The following PIWIL3 variants were observed in gnomAD, a reference collection of about 807,000 sequenced individuals.
PIWIL3 encodes the protein piwi-like protein 3.
PIWIL3 carries 101 observed loss-of-function variants against 109.7 expected under a neutral mutation model. The ratio of observed to expected loss-of-function variants is 0.92; its 90% confidence interval spans 0.78 to 1.09. The LOEUF (loss-of-function observed/expected upper bound fraction) is 1.09. Among genes scored for constraint, PIWIL3 ranks in the 50% least tolerant of loss-of-function variants. The pLI, the probability that PIWIL3 is intolerant of heterozygous loss-of-function variation, is 0.00. For missense variants in PIWIL3, 1,031 were observed against 1,072.6 expected, an observed-to-expected ratio of 0.96 and a Z score of 0.54; for synonymous variants, 373 against 376.4, an observed-to-expected ratio of 0.99 and a Z score of 0.10.
rs2147649464 is a variant in PIWIL3 at position 24,725,518 on chromosome 22, G to A, written c.2010-3C>T. On this transcript the variant is annotated splice_region_variant and splice_polypyrimidine_tract_variant and intron_variant, in intron 16 of 20. Transcript: ENST00000616349. ...GGATGACACATTGAGAGTACCACCT[G>A]TTCACAGAAAAACCACCAGTTTGGA... The A allele has an allele frequency of 6.2e-7, 1 of 1,613,684 alleles. No homozygotes were observed. The highest frequency in any genetic ancestry group is 8.5e-7 in the Non-Finnish European group (1 of 1,179,794).
intron 5 of PIWIL3, among the ~76,000 whole-genome samples, chr22:24,756,270 C>A (rs1469112437): frequency 2.0e-5 from 3 of 151,798 alleles, no homozygotes; most frequent in East Asian, 1.9e-4. Context: ...CATTTTTGAG[C>A]CACATTGTAT....
intron 5 of PIWIL3, among the ~76,000 whole-genome samples, chr22:24,756,231 T>TAA (rs149137241): frequency 0.19 from 28,728 of 148,842 alleles, 2,992 homozygotes; most frequent in Admixed American, 0.31. Context: ...ACAAATAGAA[T>TAA]AAAAAAAAAA....
chr22:24,759,424 C>T (rs566369910), intron 3 of PIWIL3, among the ~76,000 whole-genome samples: 2 of 152,144 alleles, frequency 1.3e-5, no homozygotes, highest in South Asian at 2.1e-4. Flanking sequence ...TCACATTAGC[C>T]GAAACCTTAG....
intron 12 of PIWIL3, among the ~76,000 whole-genome samples, chr22:24,738,956 C>T (rs1196797465): frequency 6.6e-6 from 1 of 151,944 alleles, no homozygotes. Flanking sequence ...TAAGAGGAAA[C>T]TCAAAGAAAT....
chr22:24,740,556 A>AC (rs1923945920), intron 12 of PIWIL3, among the ~76,000 whole-genome samples: 1 of 151,408 alleles, frequency 6.6e-6, no homozygotes, highest in Non-Finnish European at 1.5e-5. Flanking sequence ...TCAAAAAAAA[A>AC]AAAAAGAAAG....
rs1924929076 is a variant in PIWIL3 at position 24,754,854 on chromosome 22, G to A, written c.703C>T (p.Leu235=). 6.2e-7 allele frequency: 1 copy of A among 1,611,888 alleles called. No homozygotes were observed. Among genetic ancestry groups the A allele is most frequent in the African/African-American group, 1.3e-5 (1 of 74,802 alleles). ...CGACCAACTTGTTCAAAATCCAGCAGCTTGAAAGTTCTGGAAATGGAAAGA... is the reference window on the plus strand; with the variant it reads ...CGACCAACTTGTTCAAAATCCAGCAACTTGAAAGTTCTGGAAATGGAAAGA... ...YNILFRRTFK[L]LDFEQVGRNY... Residue 235 remains leucine, a synonymous_variant, in exon 7 of 21, where the codon CTG becomes TTG. Coordinates refer to ENST00000616349, the MANE Select transcript of PIWIL3 (RefSeq NM_001255975.1).
rs138955897 is a variant in PIWIL3, at chr22:24,719,503, C to A, written c.2591G>T (p.Arg864Leu). The change falls in exon 21 of 21, where the codon CGT (arginine) becomes CTT (leucine). Residue 864 changes from arginine to leucine, a missense_variant. Coordinates refer to ENST00000616349, the MANE Select transcript of PIWIL3 (RefSeq NM_001255975.1). ...VGQSIHQEPN[R>L]SLSTRLFYL Reference sequence around the variant, plus strand: ...GTAAAAGAGACGAGTTGACAAGGAACGATTCGGTTCCTGGTGAATGGACTG... The same window carrying A: ...GTAAAAGAGACGAGTTGACAAGGAAAGATTCGGTTCCTGGTGAATGGACTG... The A allele has an allele frequency of 6.3e-7, 1 of 1,599,464 alleles. No homozygotes were observed. The highest frequency in any genetic ancestry group is 1.3e-5 in the African/African-American group (1 of 74,158).
rs768438100 is a variant in PIWIL3, at chr22:24,762,422, TC to T, written c.77del (p.Gly26AspfsTer51). 24 of 1,613,770 alleles carry T rather than the reference TC, an allele frequency of 1.5e-5. No individual in the cohort carries two copies. The East Asian group carries it at 5.1e-4, about 34-fold the overall frequency. On this transcript the variant is annotated frameshift_variant, in exon 2 of 21. Transcript: ENST00000616349. LOFTEE classifies it high-confidence loss of function. ...RESYQQEAPG[G>X]PRAPGSATTQ... ...CTGTAGCTGATCCAGGTGCTCTGGG[TC>T]CCCCAGGTGCCTCTTGTTGGTAGCT...
chr22:24,759,984 C>G lies in PIWIL3; in HGVS notation c.108G>C (p.Gln36His), dbSNP rs1320770665. 4.3e-6 allele frequency: 7 copies of G among 1,613,996 alleles called. No individual in the cohort carries two copies. The highest frequency in any genetic ancestry group is 5.9e-6 in the Non-Finnish European group (7 of 1,180,000). The part of the protein sequence containing the change: ...GPRAPGSATT[Q>H]EPPQLQSTPR... ...GTGTCGACTGCAACTGAGGGGGCTCCTGGGTCTGCATGTTTTTGGAAATAG... is the reference window on the plus strand; with the variant it reads ...GTGTCGACTGCAACTGAGGGGGCTCGTGGGTCTGCATGTTTTTGGAAATAG... The change falls in exon 3 of 21, where the codon CAG becomes CAC. Residue 36 changes from glutamine (Q) to histidine (H), a missense_variant. By Grantham distance (24) the Gln-to-His change is conservative (BLOSUM62 0). Coordinates refer to ENST00000616349, the MANE Select transcript of PIWIL3 (RefSeq NM_001255975.1).
At chr22:24,762,217 A>T in intron 2 of PIWIL3, 181 bp downstream of exon 2, 1 of 1,108,794 alleles carries the variant, frequency 9.0e-7, no homozygotes, top group Non-Finnish European at 1.2e-6. Context: ...AGTGGAGAGT[A>T]CATCTGAGTA....
At chr22:24,769,260 G>A (rs1925983534) in intron 1 of PIWIL3, among the ~76,000 whole-genome samples, 1 of 152,186 alleles carries the variant, frequency 6.6e-6, no homozygotes, top group Non-Finnish European at 1.5e-5. Context: ...AAGCAGGAAT[G>A]TCCAATCTTT....
intron 1 of PIWIL3, among the ~76,000 whole-genome samples, chr22:24,764,669 T>TGTGTGTGTGTGTGTGTGTGTGTGG (rs1244151941): frequency 6.9e-6 from 1 of 145,864 alleles, no homozygotes. Context: ...TGTGTGTGTG[T>TGTGTGTGTGTGTGTGTGTGTGTGG]TGAGACAGGA....
intron 14 of PIWIL3, among the ~76,000 whole-genome samples, chr22:24,730,774 A>T (rs1187802148): frequency 6.6e-6 from 1 of 152,226 alleles, no homozygotes; most frequent in Non-Finnish European, 1.5e-5. Context: ...TTTTGTGTTT[A>T]AAATGAGGAC....
intron 11 of PIWIL3, among the ~76,000 whole-genome samples, 171 bp downstream of exon 11, chr22:24,749,233 G>A (rs920383041): frequency 6.6e-6 from 1 of 150,978 alleles, no homozygotes; most frequent in African/African-American, 2.4e-5. Flanking sequence ...CTTCCCCCCC[G>A]GCCTCCTAAT....
intron 14 of PIWIL3, 86 bp from the exon 15 acceptor site, chr22:24,728,460 T>C (rs1044898113): frequency 2.0e-5 from 30 of 1,505,374 alleles, no homozygotes; most frequent in Middle Eastern, 1.7e-4. Context: ...GCAACTTAGG[T>C]GGAAGACTAA....
intron 1 of PIWIL3, among the ~76,000 whole-genome samples, chr22:24,773,458 A>C (rs1161709132): frequency 6.6e-6 from 1 of 152,130 alleles, no homozygotes; most frequent in African/African-American, 2.4e-5. Context: ...AAGCACTGGC[A>C]GGTCCCACAA....
In PIWIL3 at chr22:24,719,172, A is replaced by G. The variant is rs926841013; in HGVS notation, c.*300T>C. 3 of 172,588 alleles carry G rather than the reference A, an allele frequency of 1.7e-5. No homozygotes were observed. Among genetic ancestry groups the G allele is most frequent in the East Asian group, 1.5e-4 (1 of 6,512 alleles). 10.7% of individuals were successfully genotyped at this position (172,588 alleles called of 1,614,324 possible). Reference sequence around the variant, plus strand: ...CTGTGACGAATGCCCCATCTTTTCAATTCTTAGAGTGGCCCTGCTTGGGGT... The same window carrying G: ...CTGTGACGAATGCCCCATCTTTTCAGTTCTTAGAGTGGCCCTGCTTGGGGT... On this transcript the variant is annotated 3_prime_UTR_variant, in exon 21 of 21. Transcript: ENST00000616349.
chr22:24,721,879 A>G (rs1017323525), intron 19 of PIWIL3, among the ~76,000 whole-genome samples: 2 of 152,184 alleles, frequency 1.3e-5, no homozygotes, highest in Admixed American at 6.5e-5. Context: ...TTGCATCCTC[A>G]TAACAAGAAA....
At chr22:24,732,319 T>C (rs923993485) in intron 14 of PIWIL3, among the ~76,000 whole-genome samples, 1 of 152,230 alleles carries the variant, frequency 6.6e-6, no homozygotes, top group African/African-American at 2.4e-5. Flanking sequence ...GTCCCTATTA[T>C]ATGGATCATT....
Sources: allele counts gnomAD v4.1 joint callset (sites outside exome capture counted in the v4.1 genomes callset), GRCh38; gene constraint gnomAD v4.1.1; transcripts MANE v1.5; gene names NCBI Gene and HGNC (gene_info 2026-07-23, HGNC 2026-07-21).